The following GRID2 variants were observed in gnomAD, a reference collection of about 807,000 sequenced individuals.
GRID2 encodes glutamate receptor ionotropic, delta-2.
In GRID2, 33 loss-of-function variants were observed where a neutral mutation model predicts 114.8. The ratio of observed to expected loss-of-function variants is 0.29; its 90% CI spans 0.22 to 0.38. The LOEUF is 0.38. Ranked by LOEUF, GRID2 falls within the 10% of genes least tolerant of loss-of-function variation. GRID2 has a pLI of 1.00. For missense variants in GRID2, 1,184 were observed against 1,257.7 expected (o/e 0.94, Z 0.89); for synonymous variants, 505 against 449.9 (o/e 1.12, Z -1.55).
intron 13 of GRID2, among the ~76,000 whole-genome samples, chr4:93,618,767 C>A (rs1741945063): frequency 6.6e-6 from 1 of 152,184 alleles, no homozygotes; most frequent in Non-Finnish European, 1.5e-5. Flanking sequence ...CAGACACACC[C>A]AGCCTGAAGG....
chr4:92,620,485 CAAA>C (rs1330308537), intron 2 of GRID2, among the ~76,000 whole-genome samples: 4 of 151,564 alleles, frequency 2.6e-5, no homozygotes, highest in African/African-American at 9.7e-5. Flanking sequence ...AAGAGAGACT[CAAA>C]GAACGCTTCT....
intron 1 of GRID2, among the ~76,000 whole-genome samples, chr4:92,537,786 T>A (rs12642977): frequency 2.0e-5 from 1 of 50,136 alleles, no homozygotes; most frequent in Non-Finnish European, 4.0e-5. Context: ...AAACTTGCGG[T>A]GTGTGTGTGT....
intron 13 of GRID2, among the ~76,000 whole-genome samples, chr4:93,584,153 T>C (rs1049130102): frequency 6.6e-6 from 1 of 152,146 alleles, no homozygotes; most frequent in African/African-American, 2.4e-5. Flanking sequence ...ACTAAATGAA[T>C]TTACCTTGGG....
At chr4:92,897,246 CCAAA>C (rs1337559416) in intron 2 of GRID2, among the ~76,000 whole-genome samples, 2 of 152,026 alleles carry the variant, frequency 1.3e-5, no homozygotes, top group East Asian at 1.9e-4. Context: ...TCTGTTTTCC[CCAAA>C]CAAATTCTCC....
chr4:92,669,790 A>G (rs1391018744), intron 2 of GRID2, among the ~76,000 whole-genome samples: 1 of 152,030 alleles, frequency 6.6e-6, no homozygotes, highest in Non-Finnish European at 1.5e-5. Context: ...ATTTTATTTA[A>G]TCTATTATCC....
Position 92,683,230 on chromosome 4 carries a change from C to T in GRID2, c.244+92944C>T, listed in dbSNP as rs186129142. On this transcript the variant is annotated intron_variant, in intron 2 of 15. Coordinates refer to ENST00000282020, the MANE Select transcript of GRID2 (RefSeq NM_001510.4). The stretch of plus-strand genomic sequence containing the variant: ...AGGAGAATCTCGTGAATCCAGAAGG[C>T]GGAGCTTGCAGTGAGTGGAGATCGC... Among the ~76,000 whole-genome samples the T allele has an allele frequency of 2.2e-3, 330 of 150,992 alleles. 2 individuals are homozygous for T. The highest frequency in any genetic ancestry group is 6.1e-3 in the Admixed American group (93 of 15,186).
chr4:93,753,341 TC>T, intron 14 of GRID2, among the ~76,000 whole-genome samples: 2 of 152,286 alleles, frequency 1.3e-5, no homozygotes, highest in African/African-American at 4.8e-5. Context: ...TTAGAAAAAT[TC>T]TTTTTATTAT....
chr4:92,801,543 T>A (rs1740170482), intron 2 of GRID2, among the ~76,000 whole-genome samples: 1 of 151,944 alleles, frequency 6.6e-6, no homozygotes, highest in South Asian at 2.1e-4. Context: ...CATATAGATT[T>A]CTTTGTTTTA....
chr4:93,071,993 C>A (rs72665251), intron 2 of GRID2, among the ~76,000 whole-genome samples: 1 of 151,458 alleles, frequency 6.6e-6, no homozygotes, highest in Non-Finnish European at 1.5e-5. Flanking sequence ...AACACAATGT[C>A]AAAAAAAAGC....
At chr4:92,670,425 G>T (rs532357504) in intron 2 of GRID2, among the ~76,000 whole-genome samples, 1 of 151,772 alleles carries the variant, frequency 6.6e-6, no homozygotes, top group Non-Finnish European at 1.5e-5. Flanking sequence ...TTCTTTCACA[G>T]TTATTTCATC....
intron 2 of GRID2, among the ~76,000 whole-genome samples, chr4:92,845,765 A>C (rs566480336): frequency 6.6e-6 from 1 of 152,062 alleles, no homozygotes; most frequent in Non-Finnish European, 1.5e-5. Context: ...TCTTCCAAGA[A>C]ACTCGCTTCA....
At chr4:92,790,114 G>A (rs1020312219) in intron 2 of GRID2, among the ~76,000 whole-genome samples, 11 of 151,736 alleles carry the variant, frequency 7.2e-5, no homozygotes, top group South Asian at 2.1e-4. Flanking sequence ...ATGTATGTGC[G>A]TATGCGTGTA....
chr4:92,872,667 T>C (rs932557312), intron 2 of GRID2, among the ~76,000 whole-genome samples: 1 of 152,326 alleles, frequency 6.6e-6, no homozygotes, highest in East Asian at 1.9e-4. Context: ...GAACATATTG[T>C]TCTCAGAAAG....
chr4:92,866,995 C>A (rs1319194960), intron 2 of GRID2, among the ~76,000 whole-genome samples: 1 of 152,100 alleles, frequency 6.6e-6, no homozygotes, highest in South Asian at 2.1e-4. Context: ...TTATGTCCAT[C>A]ATATTATCAT....
At chr4:92,978,494 G>T (rs1193788000) in intron 2 of GRID2, among the ~76,000 whole-genome samples, 2 of 151,948 alleles carry the variant, frequency 1.3e-5, no homozygotes, top group Non-Finnish European at 2.9e-5. Flanking sequence ...TGCTGCTGTT[G>T]TTTTTATTCC....
intron 2 of GRID2, among the ~76,000 whole-genome samples, chr4:92,832,840 C>T (rs1324533023): frequency 6.6e-6 from 1 of 152,098 alleles, no homozygotes. Context: ...TATTTGCCTG[C>T]ACTTTTTCTC....
At chr4:93,475,044 C>T (rs919551500) in intron 11 of GRID2, among the ~76,000 whole-genome samples, 2 of 152,108 alleles carry the variant, frequency 1.3e-5, no homozygotes, top group Non-Finnish European at 2.9e-5. Flanking sequence ...CCTGAGCCTA[C>T]TTCCTCTTTG....
chr4:92,509,963 A>G (rs1447570608), intron 1 of GRID2, among the ~76,000 whole-genome samples: 1 of 151,900 alleles, frequency 6.6e-6, no homozygotes, highest in Non-Finnish European at 1.5e-5. Flanking sequence ...GAAAAATGGG[A>G]AGACAACTAG....
intron 1 of GRID2, among the ~76,000 whole-genome samples, chr4:93,801,206 C>A (rs1734921281): frequency 6.6e-6 from 1 of 151,944 alleles, no homozygotes; most frequent in South Asian, 2.1e-4. Flanking sequence ...TTAAACAAAC[C>A]AGATAATTAC....
Sources: allele counts gnomAD v4.1 joint callset (sites outside exome capture counted in the v4.1 genomes callset), GRCh38; gene constraint gnomAD v4.1.1; transcripts MANE v1.5; gene names NCBI Gene and HGNC (gene_info 2026-07-23, HGNC 2026-07-21).